CD300A: variants seen among roughly 807,000 people sequenced by gnomAD.
CD300A encodes CD300a molecule.
Under a neutral mutation model 33.6 loss-of-function variants are expected in CD300A, and 22 were observed. That is an observed-to-expected ratio of 0.66 (90% CI 0.47 to 0.94). The LOEUF is 0.94. CD300A is among the 40% of genes least tolerant of loss of function. The pLI is 0.00. For synonymous variants in CD300A, 136 were observed against 148.1 expected (o/e 0.92, Z 0.59); for missense variants, 326 against 360.5 (o/e 0.90, Z 0.77).
intron 1 of CD300A, among the ~76,000 whole-genome samples, chr17:74,469,262 C>T (rs899044162): frequency 2.0e-5 from 3 of 151,650 alleles, no homozygotes; most frequent in Admixed American, 1.3e-4. Flanking sequence ...GTGGCTCACA[C>T]CTGTAATCCC....
intron 2 of CD300A, 120 bp downstream of exon 2, chr17:74,473,994 T>C: frequency 8.7e-7 from 1 of 1,147,646 alleles, no homozygotes; most frequent in South Asian, 1.5e-5. Context: ...GAGAGAGAGG[T>C]GGGGGCCAGG....
chr17:74,481,616 T>C, intron 5 of CD300A, 110 bp from the exon 6 acceptor site: 1 of 774,490 alleles, frequency 1.3e-6, no homozygotes. Flanking sequence ...AAGGGGAAGG[T>C]GGGGGCTGAG....
At chr17:74,482,991 T>C (rs1050458459) in intron 6 of CD300A, among the ~76,000 whole-genome samples, 3 of 151,910 alleles carry the variant, frequency 2.0e-5, no homozygotes, top group African/African-American at 7.3e-5. Flanking sequence ...ATTACAGTAC[T>C]GAGCCACCAC....
intron 3 of CD300A, 101 bp downstream of exon 3, chr17:74,474,786 G>T: frequency 1.6e-6 from 2 of 1,289,718 alleles, no homozygotes; most frequent in Non-Finnish European, 2.1e-6. Context: ...GGTGTGCATC[G>T]CTCCCTTTGC....
intron 1 of CD300A, chr17:74,466,988 T>C: frequency 1.4e-6 from 2 of 1,402,780 alleles, no homozygotes. Context: ...GGGCAAGTGA[T>C]AAGGGGTGGG....
chr17:74,476,162 G>T (rs1485266600), intron 3 of CD300A, among the ~76,000 whole-genome samples: 1 of 152,192 alleles, frequency 6.6e-6, no homozygotes, highest in African/African-American at 2.4e-5. Context: ...AGGTTGGGCT[G>T]GCTCAGGGCT....
chr17:74,473,474 C>G lies in CD300A; in HGVS notation c.41-62C>G, dbSNP rs1906240520. On this transcript the variant is annotated intron_variant, in intron 1 of 6. Coordinates refer to ENST00000360141, the MANE Select transcript of CD300A (RefSeq NM_007261.4). ...CCCCAGGGTCCATGCGGCCCTGACC[C>G]CAGGGCACCCCTGACCAGGCTCATC... is the stretch of plus-strand genomic sequence containing the variant. 2.6e-6 allele frequency: 4 copies of G among 1,520,984 alleles called. No homozygotes were observed. In the African/African-American group the frequency reaches 5.5e-5, roughly 21 times the overall value. The allele number at this position is 1,520,984 out of a possible 1,614,324, so 94.2% of individuals were successfully genotyped here. A position where few individuals can be genotyped will look rare whatever the true frequency, so the allele number is the denominator to read the frequency against.
At chr17:74,481,532 A>C (rs1453130423) in intron 5 of CD300A, 194 bp from the exon 6 acceptor site, 1 of 652,548 alleles carries the variant, frequency 1.5e-6, no homozygotes, top group Non-Finnish European at 2.7e-6. Flanking sequence ...AGGCAAATGG[A>C]ATGAAGGGAG....
Position 74,480,958 on chromosome 17 carries a change from C to T in CD300A, c.629-331C>T, listed in dbSNP as rs961967691. 1.3e-5 allele frequency among the ~76,000 whole-genome samples: 2 copies of T among 152,086 alleles called. No individual in the cohort carries two copies. Among genetic ancestry groups the T allele is most frequent in the Non-Finnish European group, 2.9e-5 (2 of 68,014 alleles). On this transcript the variant is annotated intron_variant, in intron 4 of 6. Transcript: ENST00000360141. The surrounding 1 kb of genome is among the most constrained non-coding windows in gnomAD (Gnocchi z 4.2). ...GAGACAGGGTTTCACCCTATTGGCC[C>T]GGCTGGTCTCGAACTCCTGACCTCA...
intron 6 of CD300A, among the ~76,000 whole-genome samples, chr17:74,483,769 G>T (rs1598112494): frequency 6.6e-6 from 1 of 152,164 alleles, no homozygotes; most frequent in Admixed American, 6.5e-5. Context: ...GCCCTGAGGA[G>T]CCCCCGGAGC....
chr17:74,477,600 C>G, intron 4 of CD300A, 70 bp downstream of exon 4: 1 of 975,676 alleles, frequency 1.0e-6, no homozygotes, highest in South Asian at 1.4e-5. Flanking sequence ...CGCTCATCTT[C>G]AAAGCTATGT....
Position 74,473,975 on chromosome 17 carries a change from T to C in CD300A, c.379+101T>C, listed in dbSNP as rs139680808. The C allele has an allele frequency of 2.0e-3, 2,603 of 1,327,514 alleles. 46 individuals carry two copies. In the African/African-American group the frequency reaches 0.032, roughly 16 times the overall value. 82.2% of individuals were successfully genotyped at this position (1,327,514 alleles called of 1,614,324 possible). On this transcript the variant is annotated intron_variant, in intron 2 of 6. Transcript: ENST00000360141. Reference sequence around the variant, plus strand: ...GAAGCAGACAGTGTGTGTGTGTGTGTGCGTAAGAGAGAGAGAGGTGGGGGC... The same window carrying C: ...GAAGCAGACAGTGTGTGTGTGTGTGCGCGTAAGAGAGAGAGAGGTGGGGGC...
At position 74,480,921 on chromosome 17, in the gene CD300A, G is replaced by A. The variant is rs1317538065; in HGVS notation, c.629-368G>A. On this transcript the variant is annotated intron_variant, in intron 4 of 6. Coordinates refer to ENST00000360141, the MANE Select transcript of CD300A (RefSeq NM_007261.4). The surrounding 1 kb of genome is among the most constrained non-coding windows in gnomAD (Gnocchi z 4.2). ...GTGCCACCATGCCCAGCTAATATTTGTATTTTTAGTAGAGACAGGGTTTCA... is the reference window on the plus strand; with the variant it reads ...GTGCCACCATGCCCAGCTAATATTTATATTTTTAGTAGAGACAGGGTTTCA... Among the ~76,000 whole-genome samples the A allele has an allele frequency of 2.0e-5, 3 of 152,100 alleles. No homozygotes were observed. Among genetic ancestry groups the A allele is most frequent in the African/African-American group, 4.8e-5 (2 of 41,410 alleles).
chr17:74,475,710 T>C (rs1906417052), intron 3 of CD300A, among the ~76,000 whole-genome samples: 1 of 152,078 alleles, frequency 6.6e-6, no homozygotes, highest in African/African-American at 2.4e-5. Context: ...GTGAAGAGCT[T>C]CCACATCTAA....
chr17:74,481,722 C>G lies in CD300A; in HGVS notation c.667-4C>G, dbSNP rs771295761. 16 of 1,603,620 alleles carry G rather than the reference C, an allele frequency of 1.0e-5. No individual in the cohort carries two copies. Among genetic ancestry groups the G allele is most frequent in the Non-Finnish European group, 1.4e-5 (16 of 1,175,678 alleles). On this transcript the variant is annotated splice_polypyrimidine_tract_variant and splice_region_variant and intron_variant, in intron 5 of 6. Coordinates refer to ENST00000360141, the MANE Select transcript of CD300A (RefSeq NM_007261.4). The stretch of plus-strand genomic sequence containing the variant: ...CACCCACCTGGGACCTCCTGCCCAC[C>G]CAGGCTGCCACGCAGAGTGAGCTGC...
At chr17:74,482,697 C>CCTTCCTTCCTTCCTTCCTTCCTTCT (rs760621763) in intron 6 of CD300A, among the ~76,000 whole-genome samples, 1 of 130,132 alleles carries the variant, frequency 7.7e-6, no homozygotes, top group Non-Finnish European at 1.5e-5. Context: ...TTCCTTCCTT[C>CCTTCCTTCCTTCCTTCCTTCCTTCT]CTTTCTTTCT....
intron 2 of CD300A, 85 bp downstream of exon 2, chr17:74,473,959 AGTGT>A (rs146853349): frequency 9.3e-5 from 131 of 1,410,258 alleles, no homozygotes; most frequent in Admixed American, 1.3e-4. Context: ...TGAAGCAGAC[AGTGT>A]GTGTGTGTGT....
At chr17:74,474,864 G>A (rs1339691826) in intron 3 of CD300A, among the ~76,000 whole-genome samples, 179 bp downstream of exon 3, 4 of 145,238 alleles carry the variant, frequency 2.8e-5, no homozygotes, top group African/African-American at 1.0e-4. Flanking sequence ...TTTGGAAGGG[G>A]GCTCAGGTAG....
Position 74,484,588 on chromosome 17 carries a change from C to A in CD300A, c.*462C>A, listed in dbSNP as rs117898235. ...AGCGGAGATCTGTTCACCTGGGGGCCATGGAGGGGGGACCCACTAAAGATC... is the reference window on the plus strand; with the variant it reads ...AGCGGAGATCTGTTCACCTGGGGGCAATGGAGGGGGGACCCACTAAAGATC... On this transcript the variant is annotated 3_prime_UTR_variant, in exon 7 of 7. Transcript: ENST00000360141. 34 of 152,802 alleles carry A rather than the reference C, an allele frequency of 2.2e-4. No individual in the cohort carries two copies. The East Asian group carries it at 6.5e-3, about 29-fold the overall frequency. The allele number at this position is 152,802 out of a possible 1,614,324, so 9.5% of individuals were successfully genotyped here. A position where few individuals can be genotyped will look rare whatever the true frequency, so the allele number is the denominator to read the frequency against.
Sources: gnomAD v4.1 joint callset for allele counts (sites outside exome capture counted in the v4.1 genomes callset) on GRCh38, gnomAD v4.1.1 for gene constraint, Gnocchi (gnomAD v3.1) non-coding constraint, MANE v1.5 for transcripts, NCBI Gene and HGNC (gene_info 2026-07-23, HGNC 2026-07-21) for gene names.